The following LEMD3 variants were observed in gnomAD, a reference collection of about 807,000 sequenced individuals.
LEMD3 encodes the protein inner nuclear membrane protein Man1.
LEMD3 carries 33 observed loss-of-function variants against 95.2 expected under a neutral mutation model. That is an observed-to-expected ratio of 0.35 (90% CI 0.26 to 0.46). The LOEUF (loss-of-function observed/expected upper bound fraction) is 0.46, where lower values mean the gene tolerates loss of function less well. Among genes scored for constraint, LEMD3 ranks in the 20% least tolerant of loss-of-function variants. The pLI, the probability that LEMD3 is intolerant of heterozygous loss-of-function variation, is 1.00. For missense variants in LEMD3, 1,210 were observed against 1,192.8 expected (o/e 1.01, Z -0.21); for synonymous variants, 525 against 474.6 (o/e 1.11, Z -1.38).
At chr12:65,227,272 A>G (rs1182062061) in intron 4 of LEMD3, among the ~76,000 whole-genome samples, 2 of 152,230 alleles carry the variant, frequency 1.3e-5, no homozygotes, top group Non-Finnish European at 2.9e-5. Context: ...ATCTTATCCC[A>G]TTCAGTGTTT....
At chr12:65,199,478 G>C (rs1869529025) in intron 1 of LEMD3, among the ~76,000 whole-genome samples, 1 of 151,880 alleles carries the variant, frequency 6.6e-6, no homozygotes, top group African/African-American at 2.4e-5. Flanking sequence ...CTAGACACAA[G>C]ATCTTATATT....
At chr12:65,192,723 C>T (rs538543431) in intron 1 of LEMD3, among the ~76,000 whole-genome samples, 4 of 152,188 alleles carry the variant, frequency 2.6e-5, no homozygotes, top group African/African-American at 7.2e-5. Flanking sequence ...GAATATCTTT[C>T]GTTCTGAAAT....
chr12:65,240,284 T>C lies in LEMD3; in HGVS notation c.2126+46T>C, dbSNP rs763251648. On this transcript the variant is annotated intron_variant, in intron 8 of 12. Transcript: ENST00000308330. The stretch of plus-strand genomic sequence containing the variant: ...GTTCAAGTAAATCAGAAAATTTAAG[T>C]GCTTTCTGCAGTATTGAAAATTATA... 23 of 1,352,722 alleles carry C rather than the reference T, an allele frequency of 1.7e-5. 1 individual carries two copies. The South Asian group carries it at 2.0e-4, about 12-fold the overall frequency. The allele number at this position is 1,352,722 out of a possible 1,614,324, so 83.8% of individuals were successfully genotyped here. A position where few individuals can be genotyped will look rare whatever the true frequency, so the allele number is the denominator to read the frequency against.
chr12:65,225,684 G>A (rs1415544686), intron 4 of LEMD3, among the ~76,000 whole-genome samples: 1 of 152,070 alleles, frequency 6.6e-6, no homozygotes, highest in Non-Finnish European at 1.5e-5. Flanking sequence ...TAGTTCAAGC[G>A]ATTCTCCTGC....
intron 1 of LEMD3, among the ~76,000 whole-genome samples, chr12:65,180,102 G>T (rs866536368): frequency 2.0e-5 from 3 of 151,728 alleles, no homozygotes; most frequent in African/African-American, 7.3e-5. Flanking sequence ...ATGGCACCAC[G>T]CCCGGCTAAT....
At chr12:65,172,591 A>G (rs935266850) in intron 1 of LEMD3, among the ~76,000 whole-genome samples, 1 of 152,216 alleles carries the variant, frequency 6.6e-6, no homozygotes, top group African/African-American at 2.4e-5. Flanking sequence ...TCCTGCCCCA[A>G]ATATTTGGGA....
chr12:65,245,788 T>C lies in LEMD3; in HGVS notation c.2493+14T>C. On this transcript the variant is annotated intron_variant, in intron 11 of 12. Coordinates refer to ENST00000308330, the MANE Select transcript of LEMD3 (RefSeq NM_014319.5). Reference sequence around the variant, plus strand: ...AATTCACGTGAGGTAAAGTAACTTTTGGTATTGAATTTCATGTTTTGGATT... The same window carrying C: ...AATTCACGTGAGGTAAAGTAACTTTCGGTATTGAATTTCATGTTTTGGATT... The C allele has an allele frequency of 6.2e-7, 1 of 1,608,080 alleles. No individual in the cohort carries two copies. The highest frequency in any genetic ancestry group is 8.5e-7 in the Non-Finnish European group (1 of 1,174,622).
intron 1 of LEMD3, among the ~76,000 whole-genome samples, chr12:65,194,345 T>C (rs1869342409): frequency 6.6e-6 from 1 of 152,092 alleles, no homozygotes; most frequent in East Asian, 1.9e-4. Context: ...GCCAGCTGAA[T>C]GGGAGACTGG....
Position 65,184,160 on chromosome 12 carries a change from A to G in LEMD3, c.1522+13042A>G, listed in dbSNP as rs886775262. Among the ~76,000 whole-genome samples, 8 of 152,310 alleles carry G rather than the reference A, an allele frequency of 5.3e-5. No homozygotes were observed. The East Asian group carries it at 1.3e-3, about 26-fold the overall frequency. Reference sequence around the variant, plus strand: ...TATTTTACAGGATTTTATATTGTGGATTAATACTTAGCAGCATGTTCTATT... The same window carrying G: ...TATTTTACAGGATTTTATATTGTGGGTTAATACTTAGCAGCATGTTCTATT... On this transcript the variant is annotated intron_variant, in intron 1 of 12. Coordinates refer to ENST00000308330, the MANE Select transcript of LEMD3 (RefSeq NM_014319.5).
At position 65,238,933 on chromosome 12, in the gene LEMD3, T is replaced by A. The variant is rs1870852974; in HGVS notation, c.1921+119T>A. On this transcript the variant is annotated intron_variant, in intron 6 of 12. Coordinates refer to ENST00000308330, the MANE Select transcript of LEMD3 (RefSeq NM_014319.5). ...GGTTGCCACATAAGTCACAGCTAGA[T>A]GTCTTCACTAAATATAATAAAAATA... 3 of 865,614 alleles carry A rather than the reference T, an allele frequency of 3.5e-6. No individual in the cohort carries two copies. The South Asian group carries it at 4.2e-5, about 12-fold the overall frequency. The allele number at this position is 865,614 out of a possible 1,614,324, so 53.6% of individuals were successfully genotyped here. A position where few individuals can be genotyped will look rare whatever the true frequency, so the allele number is the denominator to read the frequency against.
In LEMD3 at chr12:65,206,843, A is replaced by G. The variant is rs545501525; in HGVS notation, c.1523-4083A>G. ...TGTCATTTTTGATGCATTATATAATAACCAAATTAATGATTCAAAATTGGA... is the reference window on the plus strand; with the variant it reads ...TGTCATTTTTGATGCATTATATAATGACCAAATTAATGATTCAAAATTGGA... On this transcript the variant is annotated intron_variant, in intron 1 of 12. Transcript: ENST00000308330. 1.2e-3 allele frequency among the ~76,000 whole-genome samples: 187 copies of G among 152,266 alleles called. 2 individuals carry two copies. Among genetic ancestry groups the G allele is most frequent in the African/African-American group, 4.4e-3 (183 of 41,568 alleles).
At chr12:65,211,614 T>G (rs1869942942) in intron 2 of LEMD3, among the ~76,000 whole-genome samples, 1 of 152,206 alleles carries the variant, frequency 6.6e-6, no homozygotes, top group African/African-American at 2.4e-5. Flanking sequence ...TAGAAAACAT[T>G]ATTTGTTGTA....
At chr12:65,239,585 A>G (rs1185147790) in intron 6 of LEMD3, among the ~76,000 whole-genome samples, 1 of 152,154 alleles carries the variant, frequency 6.6e-6, no homozygotes, top group Non-Finnish European at 1.5e-5. Context: ...CATTTTACTT[A>G]AAGTAAGATT....
rs572172516 is a variant in LEMD3, at chr12:65,222,533, A to C, written c.1695+3914A>C. Among the ~76,000 whole-genome samples the C allele has an allele frequency of 2.6e-5, 4 of 152,274 alleles. No individual in the cohort carries two copies. In the East Asian group the frequency reaches 7.7e-4, roughly 29 times the overall value. On this transcript the variant is annotated intron_variant, in intron 4 of 12. Coordinates refer to ENST00000308330, the MANE Select transcript of LEMD3 (RefSeq NM_014319.5). Reference sequence around the variant, plus strand: ...TTCTTCTTTAATAAAATAGATAATAAACTCAGAAATGAATTCTGATTTTTT... The same window carrying C: ...TTCTTCTTTAATAAAATAGATAATACACTCAGAAATGAATTCTGATTTTTT...
chr12:65,218,655 T>A, intron 4 of LEMD3, 36 bp downstream of exon 4: 1 of 1,201,178 alleles, frequency 8.3e-7, no homozygotes, highest in Non-Finnish European at 1.2e-6. Flanking sequence ...TAGCTATATT[T>A]TAAAAAATTA....
At position 65,221,737 on chromosome 12, in the gene LEMD3, T is replaced by TC. The variant is rs540201520; in HGVS notation, c.1695+3118_1695+3119insC. 3.7e-3 allele frequency among the ~76,000 whole-genome samples: 290 copies of TC among 78,278 alleles called. 2 individuals are homozygous for TC. The highest frequency in any genetic ancestry group is 0.018 in the African/African-American group (258 of 13,994). 51.4% of individuals were successfully genotyped at this position (78,278 alleles called of 152,430 possible). A position where few individuals can be genotyped will look rare whatever the true frequency, so the allele number is the denominator to read the frequency against. ...TCCTGATCTTAGAGGAAAATCTCTC[T>TC]TTTTTTTTTTTTTTTTTCCTTGAGA... On this transcript the variant is annotated intron_variant, in intron 4 of 12. Transcript: ENST00000308330.
In LEMD3 at chr12:65,190,111, C is replaced by T. The variant is rs190714919; in HGVS notation, c.1522+18993C>T. Among the ~76,000 whole-genome samples, 6 of 152,194 alleles carry T rather than the reference C, an allele frequency of 3.9e-5. No homozygotes were observed. In the East Asian group the frequency reaches 7.7e-4, roughly 20 times the overall value. ...ATGTACATTTTCAAATATGACTTTC[C>T]GGTCAAAAGCCTTGGTATTATAACC... On this transcript the variant is annotated intron_variant, in intron 1 of 12. Coordinates refer to ENST00000308330, the MANE Select transcript of LEMD3 (RefSeq NM_014319.5).
At chr12:65,189,182 G>C (rs1328930851) in intron 1 of LEMD3, among the ~76,000 whole-genome samples, 1 of 152,086 alleles carries the variant, frequency 6.6e-6, no homozygotes, top group Non-Finnish European at 1.5e-5. Flanking sequence ...CTTATTTACT[G>C]TACTCATCTA....
intron 1 of LEMD3, among the ~76,000 whole-genome samples, chr12:65,177,598 TG>T: frequency 6.6e-6 from 1 of 152,248 alleles, no homozygotes; most frequent in East Asian, 1.9e-4. Context: ...GAGAGACTGG[TG>T]CTGAATGTGA....
Sources: gnomAD v4.1 joint callset for allele counts (sites outside exome capture counted in the v4.1 genomes callset) on GRCh38, gnomAD v4.1.1 for gene constraint, MANE v1.5 for transcripts, NCBI Gene and HGNC (gene_info 2026-07-23, HGNC 2026-07-21) for gene names.